SDK1: variants seen among roughly 807,000 people sequenced by gnomAD.
SDK1 encodes the protein sidekick cell adhesion molecule 1.
SDK1 carries 157 observed loss-of-function variants against 245.5 expected under a neutral mutation model. The observed-to-expected ratio is 0.64, with a 90% CI of 0.56 to 0.73. The LOEUF (loss-of-function observed/expected upper bound fraction) is 0.73. SDK1 is among the 30% of genes least tolerant of loss of function. The pLI, the probability that SDK1 is intolerant of heterozygous loss-of-function variation, is 0.00. For missense variants in SDK1, 3,583 were observed against 3,002.3 expected (o/e 1.19, Z -4.52); for synonymous variants, 1,647 against 1,278.5 (o/e 1.29, Z -6.15).
intron 4 of SDK1, among the ~76,000 whole-genome samples, chr7:3,819,926 G>A (rs1389386286): frequency 1.3e-5 from 2 of 152,196 alleles, no homozygotes; most frequent in Non-Finnish European, 2.9e-5. Flanking sequence ...TGCTTTTGAT[G>A]TTACCAGAAT....
chr7:3,652,594 G>T (rs1445215484), intron 4 of SDK1, among the ~76,000 whole-genome samples: 1 of 152,204 alleles, frequency 6.6e-6, no homozygotes, highest in Non-Finnish European at 1.5e-5. Context: ...AGTTTAGAGT[G>T]AGGGCTGGTG....
chr7:4,134,198 C>G (rs1256482561), intron 28 of SDK1, among the ~76,000 whole-genome samples: 2 of 152,176 alleles, frequency 1.3e-5, no homozygotes, highest in Admixed American at 6.5e-5. Flanking sequence ...TTCGCTTTGC[C>G]TCTTTCTTTA....
chr7:4,061,501 T>G (rs758098679), intron 19 of SDK1, among the ~76,000 whole-genome samples: 2 of 152,058 alleles, frequency 1.3e-5, no homozygotes, highest in Middle Eastern at 3.4e-3. Flanking sequence ...GGAGAGGATG[T>G]GGAGAAATAG....
At chr7:4,028,166 A>G (rs1317656714) in intron 17 of SDK1, among the ~76,000 whole-genome samples, 1 of 152,176 alleles carries the variant, frequency 6.6e-6, no homozygotes. Flanking sequence ...GCCTTACTCC[A>G]GACCCACTGA....
intron 1 of SDK1, among the ~76,000 whole-genome samples, chr7:3,321,124 T>C (rs4311565): frequency 0.25 from 38,696 of 152,156 alleles, 5,125 homozygotes; most frequent in East Asian, 0.39. Flanking sequence ...AAATGAAAAC[T>C]ACTACATGTA....
chr7:4,067,072 T>A (rs182400010), intron 19 of SDK1, among the ~76,000 whole-genome samples: 1 of 152,356 alleles, frequency 6.6e-6, no homozygotes, highest in East Asian at 1.9e-4. Context: ...TTTTCATGTT[T>A]TATTACAATT....
chr7:4,209,915 T>G, intron 37 of SDK1, 110 bp from the exon 38 acceptor site: 2 of 1,059,162 alleles, frequency 1.9e-6, no homozygotes, highest in Non-Finnish European at 2.6e-6. Context: ...TTTACTGAGT[T>G]GAAAATAACA....
At chr7:4,023,836 G>A (rs1475389579) in intron 17 of SDK1, among the ~76,000 whole-genome samples, 3 of 152,252 alleles carry the variant, frequency 2.0e-5, no homozygotes, top group South Asian at 4.1e-4. Context: ...ATGTGGCTGT[G>A]AAGTTTTCAG....
chr7:3,971,294 C>T (rs748954925), intron 11 of SDK1, among the ~76,000 whole-genome samples, 172 bp from the exon 12 acceptor site: 2 of 152,128 alleles, frequency 1.3e-5, no homozygotes, highest in Non-Finnish European at 2.9e-5. Flanking sequence ...TACTTATTTG[C>T]TTGTTTTTAA....
At chr7:3,895,407 G>T (rs1291411265) in intron 5 of SDK1, among the ~76,000 whole-genome samples, 1 of 152,184 alleles carries the variant, frequency 6.6e-6, no homozygotes, top group Non-Finnish European at 1.5e-5. Flanking sequence ...TCAACATGTA[G>T]TGGACGTCTG....
At chr7:3,410,578 CTTTTT>C (rs776277920) in intron 1 of SDK1, among the ~76,000 whole-genome samples, 2 of 82,062 alleles carry the variant, frequency 2.4e-5, no homozygotes, top group South Asian at 4.8e-4. Flanking sequence ...GAAATGATAT[CTTTTT>C]TTTTTTTTTT....
chr7:4,131,513 G>T (rs1292238313), intron 27 of SDK1, among the ~76,000 whole-genome samples: 1 of 152,202 alleles, frequency 6.6e-6, no homozygotes, highest in African/African-American at 2.4e-5. Context: ...GACGTCAGCG[G>T]CCCAGAACGA....
At chr7:3,652,596 G>C (rs12539468) in intron 4 of SDK1, among the ~76,000 whole-genome samples, 1 of 152,174 alleles carries the variant, frequency 6.6e-6, no homozygotes, top group Non-Finnish European at 1.5e-5. Flanking sequence ...TTTAGAGTGA[G>C]GGCTGGTGTG....
intron 4 of SDK1, among the ~76,000 whole-genome samples, chr7:3,719,977 T>TAAA (rs201406862): frequency 7.1e-6 from 1 of 141,192 alleles, no homozygotes; most frequent in Non-Finnish European, 1.6e-5. Flanking sequence ...CTCCATCTCT[T>TAAA]AAAAAAAAAA....
intron 4 of SDK1, among the ~76,000 whole-genome samples, chr7:3,708,763 C>A (rs553225956): frequency 6.6e-6 from 1 of 152,366 alleles, no homozygotes; most frequent in Non-Finnish European, 1.5e-5. Context: ...GAGATTTGGG[C>A]AGGGGCACAT....
intron 14 of SDK1, among the ~76,000 whole-genome samples, chr7:3,999,587 C>T (rs1356439368): frequency 2.0e-5 from 3 of 152,088 alleles, no homozygotes; most frequent in African/African-American, 7.2e-5. Flanking sequence ...GGCTGGTGGC[C>T]AAGGACTCCG....
intron 1 of SDK1, among the ~76,000 whole-genome samples, chr7:3,447,123 T>G (rs1399781035): frequency 6.6e-6 from 1 of 152,212 alleles, no homozygotes; most frequent in Non-Finnish European, 1.5e-5. Flanking sequence ...ATTTAAGAAG[T>G]GTTCTCTAAG....
intron 34 of SDK1, 78 bp from the exon 35 acceptor site, chr7:4,178,407 G>T: frequency 2.9e-6 from 3 of 1,047,984 alleles, no homozygotes; most frequent in Non-Finnish European, 4.5e-6. Flanking sequence ...TTGCTTCATT[G>T]TGGTTCATAG....
chr7:3,701,729 A>G (rs1423942851), intron 4 of SDK1, among the ~76,000 whole-genome samples: 2 of 152,202 alleles, frequency 1.3e-5, no homozygotes, highest in African/African-American at 2.4e-5. Context: ...GAATTCTTAC[A>G]ATATAGGTAA....
Sources: allele counts gnomAD v4.1 joint callset (sites outside exome capture counted in the v4.1 genomes callset), GRCh38; gene constraint gnomAD v4.1.1; transcripts MANE v1.5; gene names NCBI Gene and HGNC (gene_info 2026-07-23, HGNC 2026-07-21).